The following VPS4B variants were observed in gnomAD, a reference collection of about 807,000 sequenced individuals.
The protein encoded by VPS4B is vacuolar protein sorting-associated protein 4B.
VPS4B carries 23 observed loss-of-function variants against 56.1 expected under a neutral mutation model. The observed-to-expected ratio is 0.41, with a 90% CI of 0.30 to 0.58. The LOEUF (loss-of-function observed/expected upper bound fraction) is 0.58. VPS4B is among the 20% of genes least tolerant of loss of function. The pLI, the probability that VPS4B is intolerant of heterozygous loss-of-function variation, is 0.29. For synonymous variants in VPS4B, 177 were observed against 186.0 expected, an observed-to-expected ratio of 0.95 and a Z score of 0.39; for missense variants, 372 against 531.9, an observed-to-expected ratio of 0.70 and a Z score of 2.96.
At chr18:63,399,387 T>C (rs1396333840) in intron 7 of VPS4B, 64 bp from the exon 8 acceptor site, 6 of 1,401,276 alleles carry the variant, frequency 4.3e-6, no homozygotes, top group South Asian at 1.2e-5. Flanking sequence ...ACTTCTTCCA[T>C]ATATTCTGTT....
At position 63,390,829 on chromosome 18, in the gene VPS4B, A is replaced by G. The variant is rs865863879; in HGVS notation, c.*146T>C. ...TAATAAGTAATGGAGGAAAAGTACA[A>G]TATAAAACCTAATGGAACTCTGAAG... On this transcript the variant is annotated 3_prime_UTR_variant, in exon 11 of 11. Coordinates refer to ENST00000238497, the MANE Select transcript of VPS4B (RefSeq NM_004869.4). 3 of 573,928 alleles carry G rather than the reference A, an allele frequency of 5.2e-6. No homozygotes were observed. The highest frequency in any genetic ancestry group is 4.8e-4 in the Middle Eastern group (1 of 2,076). 35.6% of individuals were successfully genotyped at this position (573,928 alleles called of 1,614,324 possible). A position where few individuals can be genotyped will look rare whatever the true frequency, so the allele number is the denominator to read the frequency against.
chr18:63,412,913 G>GA (rs909803664), intron 1 of VPS4B, among the ~76,000 whole-genome samples: 161 of 150,046 alleles, frequency 1.1e-3, no homozygotes, highest in African/African-American at 3.8e-3. Flanking sequence ...CTATATAAAA[G>GA]AAAAAAAAAG....
chr18:63,395,672 T>C (rs751876111), intron 9 of VPS4B, among the ~76,000 whole-genome samples: 1 of 152,240 alleles, frequency 6.6e-6, no homozygotes, highest in Non-Finnish European at 1.5e-5. Flanking sequence ...TTCACATGTA[T>C]GTTCATGAGT....
chr18:63,417,003 G>C (rs1916181414), intron 1 of VPS4B, among the ~76,000 whole-genome samples: 1 of 152,118 alleles, frequency 6.6e-6, no homozygotes, highest in African/African-American at 2.4e-5. Flanking sequence ...CCTTTAGGGA[G>C]GTAGGTTCCA....
At chr18:63,392,249 T>C (rs1915564437) in intron 10 of VPS4B, among the ~76,000 whole-genome samples, 1 of 152,338 alleles carries the variant, frequency 6.6e-6, no homozygotes, top group Admixed American at 6.5e-5. Flanking sequence ...TCAATCACCC[T>C]AAGTTCCCTA....
intron 8 of VPS4B, among the ~76,000 whole-genome samples, chr18:63,397,459 G>A (rs909289540): frequency 5.9e-5 from 9 of 152,104 alleles, no homozygotes; most frequent in African/African-American, 7.2e-5. Flanking sequence ...TGAATCTTTC[G>A]TGCATTTTTG....
At chr18:63,416,556 T>C (rs1370550076) in intron 1 of VPS4B, 1 of 152,250 alleles carries the variant, frequency 6.6e-6, no homozygotes, top group African/African-American at 2.4e-5. Flanking sequence ...GCTGCTATCA[T>C]ATATGTCAAA....
intron 4 of VPS4B, chr18:63,404,542 A>T (rs1915877712): frequency 6.6e-6 from 1 of 152,258 alleles, no homozygotes; most frequent in African/African-American, 2.4e-5. Context: ...CAGTATATTC[A>T]AAAGCCAAAG....
chr18:63,393,611 C>T (rs776632911), intron 9 of VPS4B, 62 bp from the exon 10 acceptor site: 122 of 1,368,580 alleles, frequency 8.9e-5, no homozygotes, highest in Non-Finnish European at 1.2e-4. Flanking sequence ...AGACTTAATC[C>T]ATTACCAGGA....
chr18:63,422,353 T>A lies in VPS4B; in HGVS notation c.-94A>T. 1.6e-6 allele frequency: 2 copies of A among 1,252,362 alleles called. No homozygotes were observed. Among genetic ancestry groups the A allele is most frequent in the African/African-American group, 1.6e-5 (1 of 63,854 alleles). The allele number at this position is 1,252,362 out of a possible 1,614,324, so 77.6% of individuals were successfully genotyped here. On this transcript the variant is annotated 5_prime_UTR_variant, in exon 1 of 11. Transcript: ENST00000238497. ...GCGCACGGGGTAACAGCCCTCAAAC[T>A]GGGGAGGCCGGTGGTTCTCGGACCG... is the stretch of plus-strand genomic sequence containing the variant.
At position 63,422,374 on chromosome 18, in the gene VPS4B, G is replaced by C. The variant is rs574467010; in HGVS notation, c.-115C>G. On this transcript the variant is annotated 5_prime_UTR_variant, in exon 1 of 11. Transcript: ENST00000238497. ...AAACTGGGGAGGCCGGTGGTTCTCG[G>C]ACCGCGAAGGGCAGCCTCCCTTCCG... 2.0e-6 allele frequency: 2 copies of C among 1,004,518 alleles called. No individual in the cohort carries two copies. The highest frequency in any genetic ancestry group is 2.5e-5 in the South Asian group (1 of 39,710). The allele number at this position is 1,004,518 out of a possible 1,614,324, so 62.2% of individuals were successfully genotyped here.
rs142026803 is a variant in VPS4B, at chr18:63,390,109, C to T, written c.*866G>A. Reference sequence around the variant, plus strand: ...AGGCTGGAGTGCAATGGCGCTATCTCGGCGCCCAGGCTGGAATGCAGTAGC... The same window carrying T: ...AGGCTGGAGTGCAATGGCGCTATCTTGGCGCCCAGGCTGGAATGCAGTAGC... On this transcript the variant is annotated 3_prime_UTR_variant, in exon 11 of 11. Transcript: ENST00000238497. 2.0e-5 allele frequency: 3 copies of T among 152,334 alleles called. No homozygotes were observed. The highest frequency in any genetic ancestry group is 2.9e-5 in the Non-Finnish European group (2 of 68,022). The allele number at this position is 152,334 out of a possible 1,614,324, so 9.4% of individuals were successfully genotyped here. A position where few individuals can be genotyped will look rare whatever the true frequency, so the allele number is the denominator to read the frequency against.
chr18:63,390,547 A>G lies in VPS4B; in HGVS notation c.*428T>C, dbSNP rs1218295176. The G allele has an allele frequency of 1.3e-5, 2 of 153,028 alleles. No homozygotes were observed. Among genetic ancestry groups the G allele is most frequent in the East Asian group, 3.8e-4 (2 of 5,220 alleles). The allele number at this position is 153,028 out of a possible 1,614,324, so 9.5% of individuals were successfully genotyped here. ...AGATTCTATCATTTGTAATTTTTTA[A>G]TAACGTAAATTTTACATTGATAAGA... On this transcript the variant is annotated 3_prime_UTR_variant, in exon 11 of 11. Coordinates refer to ENST00000238497, the MANE Select transcript of VPS4B (RefSeq NM_004869.4).
intron 1 of VPS4B, among the ~76,000 whole-genome samples, chr18:63,414,173 G>C (rs1438383001): frequency 6.6e-6 from 1 of 151,874 alleles, no homozygotes; most frequent in African/African-American, 2.4e-5. Flanking sequence ...CTTGAGGTCA[G>C]GAGTTCGAGA....
At position 63,422,264 on chromosome 18, in the gene VPS4B, GAGTTCCCAGGC is replaced by G. The variant is rs748441250; in HGVS notation, c.-16_-6del. 7.9e-5 allele frequency: 120 copies of G among 1,509,796 alleles called. No homozygotes were observed. The highest frequency in any genetic ancestry group is 1.0e-4 in the Non-Finnish European group (118 of 1,127,592). The allele number at this position is 1,509,796 out of a possible 1,614,324, so 93.5% of individuals were successfully genotyped here. ...GTTGGGCGAAGTGGATGACATGGCG[GAGTTCCCAGGC>G]GGTTCCCAAGGGAACGAGGGGCGAG... On this transcript the variant is annotated 5_prime_UTR_variant, in exon 1 of 11. Coordinates refer to ENST00000238497, the MANE Select transcript of VPS4B (RefSeq NM_004869.4).
At chr18:63,414,914 G>A (rs1367215736) in intron 1 of VPS4B, among the ~76,000 whole-genome samples, 2 of 152,158 alleles carry the variant, frequency 1.3e-5, no homozygotes, top group Admixed American at 6.5e-5. Flanking sequence ...TAAGCATCTA[G>A]CTCCAAACAT....
chr18:63,390,181 C>G lies in VPS4B; in HGVS notation c.*794G>C, dbSNP rs1915512678. On this transcript the variant is annotated 3_prime_UTR_variant, in exon 11 of 11. Transcript: ENST00000238497. Reference sequence around the variant, plus strand: ...CTCTGCCTCCCAGGTTCAAGTGATTCTCCCGCCTCAGCCTCCTGAGTAGCT... The same window carrying G: ...CTCTGCCTCCCAGGTTCAAGTGATTGTCCCGCCTCAGCCTCCTGAGTAGCT... 6.6e-6 allele frequency: 1 copy of G among 152,290 alleles called. No homozygotes were observed. The highest frequency in any genetic ancestry group is 1.5e-5 in the Non-Finnish European group (1 of 68,128). 9.4% of individuals were successfully genotyped at this position (152,290 alleles called of 1,614,324 possible).
At position 63,395,399 on chromosome 18, in the gene VPS4B, A is replaced by G. The variant is rs7239544; in HGVS notation, c.1092+1635T>C. Among the ~76,000 whole-genome samples, 464 of 152,354 alleles carry G rather than the reference A, an allele frequency of 3.0e-3. 3 individuals are homozygous for G. Among genetic ancestry groups the G allele is most frequent in the African/African-American group, 0.011 (442 of 41,586 alleles). ...GTACCACGACTGGTGTTTTATGAGT[A>G]TTATATCACTTCATTATTGGAAAGG... On this transcript the variant is annotated intron_variant, in intron 9 of 10. Transcript: ENST00000238497.
At chr18:63,394,282 T>C (rs2077277) in intron 9 of VPS4B, among the ~76,000 whole-genome samples, 3,855 of 152,332 alleles carry the variant, frequency 0.025, 77 homozygotes, top group Middle Eastern at 0.041. Context: ...ATGAAACTAC[T>C]GAATCTCTTT....
Sources: gnomAD v4.1 joint callset for allele counts (sites outside exome capture counted in the v4.1 genomes callset) on GRCh38, gnomAD v4.1.1 for gene constraint, MANE v1.5 for transcripts, NCBI Gene and HGNC (gene_info 2026-07-23, HGNC 2026-07-21) for gene names.